UBE2QL1: variants seen among roughly 807,000 people sequenced by gnomAD.
The protein encoded by UBE2QL1 is ubiquitin-conjugating enzyme E2Q-like protein 1.
Under a neutral mutation model 12.6 loss-of-function variants are expected in UBE2QL1, and 5 were observed. That is an observed-to-expected ratio of 0.40 (90% CI 0.21 to 0.83). The LOEUF (loss-of-function observed/expected upper bound fraction) is 0.83, where lower values mean the gene tolerates loss of function less well. Among genes scored for constraint, UBE2QL1 ranks in the 40% least tolerant of loss-of-function variants. The pLI, the probability that UBE2QL1 is intolerant of heterozygous loss-of-function variation, is 0.37. For synonymous variants in UBE2QL1, 96 were observed against 94.5 expected (o/e 1.02, Z -0.10); for missense variants, 99 against 222.6 (o/e 0.44, Z 3.53).
Position 6,478,652 on chromosome 5 carries a change from G to A in UBE2QL1, c.355-12566G>A, listed in dbSNP as rs1281717600. ...TTTTTTTTTGGACTTTAACAGCATCGCCGTACCTACTATCTGTGCTGAGAG... is the reference window on the plus strand; with the variant it reads ...TTTTTTTTTGGACTTTAACAGCATCACCGTACCTACTATCTGTGCTGAGAG... On this transcript the variant is annotated intron_variant, in intron 1 of 1. Transcript: ENST00000399816. The surrounding 1 kb of genome is among the most constrained non-coding windows in gnomAD (Gnocchi z 4.5). 7.3e-5 allele frequency among the ~76,000 whole-genome samples: 11 copies of A among 149,798 alleles called. No homozygotes were observed. Among genetic ancestry groups the A allele is most frequent in the Non-Finnish European group, 7.4e-5 (5 of 67,690 alleles).
At chr5:6,489,035 G>A (rs1194494988) in intron 1 of UBE2QL1, among the ~76,000 whole-genome samples, 1 of 152,104 alleles carries the variant, frequency 6.6e-6, no homozygotes, top group East Asian at 1.9e-4. Context: ...TGAGGCATGG[G>A]GATGTTGCTA....
At chr5:6,459,024 T>C (rs1331122764) in intron 1 of UBE2QL1, among the ~76,000 whole-genome samples, 1 of 152,070 alleles carries the variant, frequency 6.6e-6, no homozygotes, top group East Asian at 1.9e-4. Flanking sequence ...CCAGGGGCCT[T>C]GTCCACAGTA....
At chr5:6,490,065 C>T (rs1415863112) in intron 1 of UBE2QL1, among the ~76,000 whole-genome samples, 1 of 152,232 alleles carries the variant, frequency 6.6e-6, no homozygotes, top group Admixed American at 6.5e-5. Context: ...TCTGCCCCAT[C>T]TGCAAAACAT....
chr5:6,491,601 A>C lies in UBE2QL1; in HGVS notation c.*252A>C. 1 of 313,528 alleles carries C rather than the reference A, an allele frequency of 3.2e-6. No individual in the cohort carries two copies. 19.4% of individuals were successfully genotyped at this position (313,528 alleles called of 1,614,324 possible). A position where few individuals can be genotyped will look rare whatever the true frequency, so the allele number is the denominator to read the frequency against. ...AAGTCACTTTAGAACACATGTTGAG[A>C]TGGTGACATTTCCCAGCCTGCCTGC... On this transcript the variant is annotated 3_prime_UTR_variant, in exon 2 of 2. Coordinates refer to ENST00000399816, the MANE Select transcript of UBE2QL1 (RefSeq NM_001145161.3).
chr5:6,477,293 A>G (rs1734252506), intron 1 of UBE2QL1, among the ~76,000 whole-genome samples: 1 of 152,216 alleles, frequency 6.6e-6, no homozygotes, highest in African/African-American at 2.4e-5. Flanking sequence ...AGTCATGCCA[A>G]AGATTCTTGG....
At chr5:6,472,471 G>T (rs956258858) in intron 1 of UBE2QL1, among the ~76,000 whole-genome samples, 3 of 152,026 alleles carry the variant, frequency 2.0e-5, no homozygotes, top group Non-Finnish European at 4.4e-5. Flanking sequence ...CCTCTGTTTT[G>T]CCCCTTGACA....
At chr5:6,470,047 A>T (rs1450569759) in intron 1 of UBE2QL1, among the ~76,000 whole-genome samples, 1 of 152,124 alleles carries the variant, frequency 6.6e-6, no homozygotes, top group Non-Finnish European at 1.5e-5. Context: ...TTCAGAGCCC[A>T]GTGGCGGCTC....
chr5:6,480,046 G>A lies in UBE2QL1; in HGVS notation c.355-11172G>A, dbSNP rs575256700. 1.6e-4 allele frequency among the ~76,000 whole-genome samples: 25 copies of A among 152,366 alleles called. No homozygotes were observed. In the East Asian group the frequency reaches 4.8e-3, roughly 29 times the overall value. ...GTGGCCAAGGAGCATCCAGTGCCAG[G>A]GGGCACAGCCAGGCGGGTCACTTTT... On this transcript the variant is annotated intron_variant, in intron 1 of 1. Coordinates refer to ENST00000399816, the MANE Select transcript of UBE2QL1 (RefSeq NM_001145161.3).
At chr5:6,482,195 C>T (rs989666339) in intron 1 of UBE2QL1, among the ~76,000 whole-genome samples, 16 of 152,204 alleles carry the variant, frequency 1.1e-4, no homozygotes, top group East Asian at 1.9e-4. Flanking sequence ...AGCCCCTGAG[C>T]GCTGGAACAG....
At chr5:6,449,877 A>C (rs1318279) in intron 1 of UBE2QL1, among the ~76,000 whole-genome samples, 93,958 of 121,776 alleles carry the variant, frequency 0.77, 34,981 homozygotes, top group Non-Finnish European at 0.8. Flanking sequence ...AACCCCCCCC[A>C]CACACACACA....
intron 1 of UBE2QL1, among the ~76,000 whole-genome samples, chr5:6,472,798 A>G (rs1021846813): frequency 2.6e-5 from 4 of 152,156 alleles, no homozygotes; most frequent in African/African-American, 9.7e-5. Flanking sequence ...AACAAGTTAC[A>G]TTATGATCGA....
At chr5:6,456,904 C>G (rs1739538461) in intron 1 of UBE2QL1, among the ~76,000 whole-genome samples, 1 of 152,042 alleles carries the variant, frequency 6.6e-6, no homozygotes, top group African/African-American at 2.4e-5. Context: ...CAGGGAGCCA[C>G]ACTCACCGAG....
intron 1 of UBE2QL1, among the ~76,000 whole-genome samples, chr5:6,453,815 T>A (rs2126321452): frequency 6.6e-6 from 1 of 152,262 alleles, no homozygotes; most frequent in African/African-American, 2.4e-5. Context: ...AGCAGTCTCA[T>A]CAGAAAGAGT....
chr5:6,467,842 A>T (rs535449882), intron 1 of UBE2QL1, among the ~76,000 whole-genome samples: 20 of 151,698 alleles, frequency 1.3e-4, no homozygotes, highest in Admixed American at 1.3e-3. Flanking sequence ...CCTCCTCACA[A>T]ACTTTAGGTT....
In UBE2QL1 at chr5:6,449,031, G is replaced by C; in HGVS notation, c.138G>C (p.Glu46Asp). The change falls in exon 1 of 2, where the codon GAG becomes GAC. Residue 46 changes from glutamate to aspartate, a missense_variant. By Grantham distance (45) the Glu-to-Asp change is conservative (BLOSUM62 2). Coordinates refer to ENST00000399816, the MANE Select transcript of UBE2QL1 (RefSeq NM_001145161.3). ...CGGTGCTGTGGCAGGACATGAAGGAGACCAACACCGAGTTCATCCTGCTCA... is the reference window on the plus strand; with the variant it reads ...CGGTGCTGTGGCAGGACATGAAGGACACCAACACCGAGTTCATCCTGCTCA... ...KDSVLWQDMK[E>D]TNTEFILLNL... 1 of 1,549,168 alleles carries C rather than the reference G, an allele frequency of 6.5e-7. No homozygotes were observed. Among genetic ancestry groups the C allele is most frequent in the South Asian group, 1.2e-5 (1 of 83,420 alleles).
At chr5:6,460,138 C>T (rs1560928899) in intron 1 of UBE2QL1, among the ~76,000 whole-genome samples, 1 of 152,130 alleles carries the variant, frequency 6.6e-6, no homozygotes, top group African/African-American at 2.4e-5. Context: ...CAGGCAGAGG[C>T]AAGGCTCCAG....
intron 1 of UBE2QL1, among the ~76,000 whole-genome samples, chr5:6,452,672 G>T (rs942606188): frequency 6.6e-6 from 1 of 152,206 alleles, no homozygotes; most frequent in South Asian, 2.1e-4. Flanking sequence ...CACAGTGCTT[G>T]CACCTAGTAG....
chr5:6,458,945 G>C (rs905509487), intron 1 of UBE2QL1, among the ~76,000 whole-genome samples: 1 of 152,090 alleles, frequency 6.6e-6, no homozygotes, highest in Non-Finnish European at 1.5e-5. Context: ...ATGTGCCTGC[G>C]TCTGACAGCA....
rs1734242878 is a variant in UBE2QL1, at chr5:6,476,749, A to G, written c.355-14469A>G. 6.6e-6 allele frequency among the ~76,000 whole-genome samples: 1 copy of G among 152,180 alleles called. No homozygotes were observed. The highest frequency in any genetic ancestry group is 1.5e-5 in the Non-Finnish European group (1 of 68,040). On this transcript the variant is annotated intron_variant, in intron 1 of 1. Coordinates refer to ENST00000399816, the MANE Select transcript of UBE2QL1 (RefSeq NM_001145161.3). This position sits in a 1 kb window ranked among gnomAD's most constrained non-coding sequence, Gnocchi z 4.9. ...ATCACATGAGAGATGCCCACTTGCT[A>G]ATTAATGGGTTTCTTCACAGGAAAA...
Sources: allele counts gnomAD v4.1 joint callset (sites outside exome capture counted in the v4.1 genomes callset), GRCh38; gene constraint gnomAD v4.1.1; non-coding constraint Gnocchi (gnomAD v3.1); transcripts MANE v1.5; gene names NCBI Gene and HGNC (gene_info 2026-07-23, HGNC 2026-07-21).